AP3B1: variants seen among roughly 807,000 people sequenced by gnomAD.
The protein encoded by AP3B1 is adaptor related protein complex 3 subunit beta 1, also known as AP-3 complex subunit beta-1.
Under a neutral mutation model 132.5 loss-of-function variants are expected in AP3B1, and 61 were observed. That is an observed-to-expected ratio of 0.46 (90% CI 0.37 to 0.57). AP3B1 has a LOEUF of 0.57. Among genes scored for constraint, AP3B1 ranks in the 20% least tolerant of loss-of-function variants. AP3B1 has a pLI of 0.00. For missense variants in AP3B1, 1,120 were observed against 1,289.4 expected, an observed-to-expected ratio of 0.87 and a Z score of 2.01; for synonymous variants, 388 against 438.3, an observed-to-expected ratio of 0.89 and a Z score of 1.43.
intron 19 of AP3B1, among the ~76,000 whole-genome samples, chr5:78,110,714 G>GTGTGTGT (rs892022676): frequency 1.3e-4 from 19 of 146,790 alleles, no homozygotes; most frequent in Admixed American, 1.3e-3. Flanking sequence ...GTGTGTGTGT[G>GTGTGTGT]TATGTATGTA....
At chr5:78,163,397 T>C (rs944054036) in intron 12 of AP3B1, among the ~76,000 whole-genome samples, 5 of 152,046 alleles carry the variant, frequency 3.3e-5, no homozygotes, top group Admixed American at 6.6e-5. Context: ...AAGGGACCAG[T>C]AGGCTATTTA....
At chr5:78,012,945 A>G (rs186775549) in intron 26 of AP3B1, among the ~76,000 whole-genome samples, 4 of 152,342 alleles carry the variant, frequency 2.6e-5, no homozygotes, top group Admixed American at 6.5e-5. Flanking sequence ...AACTATCTTT[A>G]ATAAGAATTA....
At chr5:78,267,250 A>C (rs1748360637) in intron 2 of AP3B1, among the ~76,000 whole-genome samples, 1 of 152,166 alleles carries the variant, frequency 6.6e-6, no homozygotes, top group Non-Finnish European at 1.5e-5. Flanking sequence ...ATGACTAACT[A>C]CCTCATTCTC....
chr5:78,283,993 T>G (rs1487810590), intron 1 of AP3B1, among the ~76,000 whole-genome samples: 1 of 152,200 alleles, frequency 6.6e-6, no homozygotes. Flanking sequence ...CATTTCCTCC[T>G]AACTATGTGC....
At chr5:78,224,479 T>C (rs1746320270) in intron 6 of AP3B1, among the ~76,000 whole-genome samples, 2 of 151,820 alleles carry the variant, frequency 1.3e-5, no homozygotes, top group African/African-American at 4.8e-5. Flanking sequence ...TAAAAGCAAG[T>C]AAAATGACAG....
At position 78,006,469 on chromosome 5, in the gene AP3B1, G is replaced by A. The variant is rs534191288; in HGVS notation, c.3132-3414C>T. The stretch of plus-strand genomic sequence containing the variant: ...TTTGTAGTAATGCGTAATTCAAAGC[G>A]TGCGGACTTGATTCCTCATATATTT... On this transcript the variant is annotated intron_variant, in intron 26 of 26. Coordinates refer to ENST00000255194, the MANE Select transcript of AP3B1 (RefSeq NM_003664.5). Among the ~76,000 whole-genome samples the A allele has an allele frequency of 4.6e-3, 703 of 152,234 alleles. 6 individuals carry two copies. The highest frequency in any genetic ancestry group is 8.4e-3 in the Non-Finnish European group (572 of 68,004).
At chr5:78,045,866 C>T (rs1748308071) in intron 22 of AP3B1, among the ~76,000 whole-genome samples, 1 of 152,186 alleles carries the variant, frequency 6.6e-6, no homozygotes. Context: ...ACATGTAGGG[C>T]AGAGGTTGCA....
chr5:78,120,805 A>T (rs961122673), intron 17 of AP3B1, among the ~76,000 whole-genome samples: 1 of 152,202 alleles, frequency 6.6e-6, no homozygotes, highest in African/African-American at 2.4e-5. Context: ...TTTAACAAGG[A>T]TACCCAGTAA....
At chr5:78,117,923 T>G (rs955230857) in intron 17 of AP3B1, among the ~76,000 whole-genome samples, 1 of 152,228 alleles carries the variant, frequency 6.6e-6, no homozygotes, top group Non-Finnish European at 1.5e-5. Context: ...ACTCATTTAT[T>G]GATTGTACCT....
intron 3 of AP3B1, among the ~76,000 whole-genome samples, chr5:78,232,727 G>T (rs976643188): frequency 6.6e-6 from 1 of 151,306 alleles, no homozygotes; most frequent in Admixed American, 6.6e-5. Context: ...TTTTTTTTTA[G>T]ACAGAGTCTT....
chr5:78,066,981 C>T (rs1300939754), intron 22 of AP3B1, among the ~76,000 whole-genome samples: 1 of 152,196 alleles, frequency 6.6e-6, no homozygotes, highest in Non-Finnish European at 1.5e-5. Flanking sequence ...AGAAACCCTA[C>T]AAGCCAGAAG....
At chr5:78,118,892 A>G (rs867121381) in intron 17 of AP3B1, among the ~76,000 whole-genome samples, 68 of 152,132 alleles carry the variant, frequency 4.5e-4, no homozygotes, top group Middle Eastern at 3.4e-3. Context: ...TGGGTCCCTG[A>G]CCCCCAAGCA....
At chr5:78,186,590 T>C (rs529795956) in intron 7 of AP3B1, among the ~76,000 whole-genome samples, 1 of 152,298 alleles carries the variant, frequency 6.6e-6, no homozygotes, top group South Asian at 2.1e-4. Flanking sequence ...TTGGGGAAAA[T>C]TGAGTAAAGG....
chr5:78,231,250 T>C (rs1224618897), intron 3 of AP3B1, among the ~76,000 whole-genome samples: 2 of 152,148 alleles, frequency 1.3e-5, no homozygotes, highest in Non-Finnish European at 2.9e-5. Context: ...CGCGACTTAC[T>C]GCAACCTCCG....
intron 5 of AP3B1, among the ~76,000 whole-genome samples, chr5:78,226,735 A>G (rs1255533481): frequency 6.6e-6 from 1 of 152,164 alleles, no homozygotes; most frequent in Non-Finnish European, 1.5e-5. Context: ...AGCTTGAGGA[A>G]TAAATGATAG....
chr5:78,002,650 G>A lies in AP3B1; in HGVS notation c.*252C>T, dbSNP rs868442378. On this transcript the variant is annotated 3_prime_UTR_variant, in exon 27 of 27. Transcript: ENST00000255194. Reference sequence around the variant, plus strand: ...AAAGAAGCAGCAGGACAGAGAAAACGCCACATGGATTCAAGAGTTGAGACA... The same window carrying A: ...AAAGAAGCAGCAGGACAGAGAAAACACCACATGGATTCAAGAGTTGAGACA... 6 of 602,526 alleles carry A rather than the reference G, an allele frequency of 1.0e-5. No individual in the cohort carries two copies. Among genetic ancestry groups the A allele is most frequent in the Non-Finnish European group, 1.2e-5 (4 of 339,766 alleles). 37.3% of individuals were successfully genotyped at this position (602,526 alleles called of 1,614,324 possible). A position where few individuals can be genotyped will look rare whatever the true frequency, so the allele number is the denominator to read the frequency against.
chr5:78,096,902 G>A (rs1274446067), intron 21 of AP3B1, among the ~76,000 whole-genome samples: 40 of 133,638 alleles, frequency 3.0e-4, no homozygotes, highest in Middle Eastern at 5.5e-3. Context: ...TCAGCCCCCC[G>A]CCCGGCCAGC....
At chr5:78,003,678 G>A (rs1746275667) in intron 26 of AP3B1, among the ~76,000 whole-genome samples, 2 of 152,146 alleles carry the variant, frequency 1.3e-5, no homozygotes, top group South Asian at 4.1e-4. Flanking sequence ...GTTTTGAAAT[G>A]TTTAGGACAT....
chr5:78,281,434 C>CAAAAAAAAAAAAAAAAA, intron 1 of AP3B1, among the ~76,000 whole-genome samples: 1 of 68,256 alleles, frequency 1.5e-5, no homozygotes, highest in Non-Finnish European at 2.7e-5. Context: ...AACTCTGCCT[C>CAAAAAAAAAAAAAAAAA]AAAAAAAAAA....
Sources: allele counts gnomAD v4.1 joint callset (sites outside exome capture counted in the v4.1 genomes callset), GRCh38; gene constraint gnomAD v4.1.1; transcripts MANE v1.5; gene names NCBI Gene and HGNC (gene_info 2026-07-23, HGNC 2026-07-21).